Variants in TMEM114 observed in about 807,000 individuals in gnomAD.
TMEM114 encodes transmembrane protein 114, also known as claudin-26.
Under a neutral mutation model 6.2 loss-of-function variants are expected in TMEM114, and 6 were observed. That is an observed-to-expected ratio of 0.97 (90% CI 0.53 to 1.91). The LOEUF (loss-of-function observed/expected upper bound fraction) is 1.91. Among genes scored for constraint, TMEM114 ranks in the 40% most tolerant of loss-of-function variants. TMEM114 has a pLI of 0.01. For missense variants in TMEM114, 218 were observed against 158.3 expected, an observed-to-expected ratio of 1.38 and a Z score of -2.02; for synonymous variants, 104 against 73.0, an observed-to-expected ratio of 1.42 and a Z score of -2.16.
chr16:8,581,349 A>T (rs191767863), intron 2 of TMEM114, among the ~76,000 whole-genome samples: 126 of 152,302 alleles, frequency 8.3e-4, no homozygotes, highest in African/African-American at 2.7e-3. Context: ...ATGTCTAGCC[A>T]TCTCTCCATC....
chr16:8,556,653 C>T (rs554408477), intron 2 of TMEM114, among the ~76,000 whole-genome samples: 2 of 152,136 alleles, frequency 1.3e-5, no homozygotes, highest in Admixed American at 6.5e-5. Context: ...AGGTACCCGC[C>T]ATCACACATG....
intron 2 of TMEM114, among the ~76,000 whole-genome samples, chr16:8,561,171 T>A (rs921613870): frequency 6.6e-6 from 1 of 152,242 alleles, no homozygotes; most frequent in Non-Finnish European, 1.5e-5. Flanking sequence ...AGCCAAACCA[T>A]AACACTGGGT....
intron 2 of TMEM114, among the ~76,000 whole-genome samples, chr16:8,558,135 C>G (rs1421177216): frequency 6.6e-6 from 1 of 152,164 alleles, no homozygotes. Context: ...TGCTTGTAAT[C>G]CCAGCTACTA....
At chr16:8,551,655 A>T (rs910729052) in intron 2 of TMEM114, among the ~76,000 whole-genome samples, 21 of 152,260 alleles carry the variant, frequency 1.4e-4, no homozygotes, top group African/African-American at 5.1e-4. Flanking sequence ...AGGCAGGACA[A>T]AAATTCATCT....
At chr16:8,564,272 A>G (rs1375338713) in intron 2 of TMEM114, among the ~76,000 whole-genome samples, 2 of 114,960 alleles carry the variant, frequency 1.7e-5, no homozygotes, top group East Asian at 4.3e-4. Flanking sequence ...TGATGAAATA[A>G]GTGAATGAGT....
chr16:8,562,153 T>C (rs557163513), intron 2 of TMEM114, among the ~76,000 whole-genome samples: 40 of 151,056 alleles, frequency 2.6e-4, no homozygotes, highest in African/African-American at 7.6e-4. Context: ...AGTTAGTGAA[T>C]AAGTGAGTTA....
intron 2 of TMEM114, among the ~76,000 whole-genome samples, chr16:8,587,991 TA>T (rs1350528330): frequency 1.7e-4 from 26 of 150,424 alleles, no homozygotes; most frequent in African/African-American, 5.1e-4. Flanking sequence ...CTATCACTAT[TA>T]AAAAAAAACT....
chr16:8,564,687 GAGTGAATGAGT>G (rs1567203915), downstream of TMEM114, among the ~76,000 whole-genome samples: 2 of 115,406 alleles, frequency 1.7e-5, no homozygotes, highest in African/African-American at 3.1e-5. Context: ...GTGAATGAGT[GAGTGAATGAGT>G]GAGTGAGTGA....
chr16:8,554,498 T>A (rs1300987822), intron 2 of TMEM114, among the ~76,000 whole-genome samples: 2 of 152,144 alleles, frequency 1.3e-5, no homozygotes, highest in Non-Finnish European at 2.9e-5. Context: ...AGCACTTATC[T>A]CCATTTGGAA....
At chr16:8,560,584 T>A (rs1596476732) in intron 2 of TMEM114, among the ~76,000 whole-genome samples, 1 of 152,176 alleles carries the variant, frequency 6.6e-6, no homozygotes, top group Admixed American at 6.5e-5. Context: ...TAGCCCGGGA[T>A]GTCAAAGGGA....
At chr16:8,560,526 G>A (rs1439716342) in intron 2 of TMEM114, among the ~76,000 whole-genome samples, 1 of 152,172 alleles carries the variant, frequency 6.6e-6, no homozygotes, top group Non-Finnish European at 1.5e-5. Context: ...ACTTCCTGCT[G>A]GCTCCAAAAG....
At chr16:8,570,336 G>T (rs200030968) in intron 3 of TMEM114, among the ~76,000 whole-genome samples, 2 of 144,044 alleles carry the variant, frequency 1.4e-5, no homozygotes, top group Admixed American at 1.4e-4. Flanking sequence ...TTTTTTTTTA[G>T]ACAGAGTCTC....
intron 2 of TMEM114, among the ~76,000 whole-genome samples, chr16:8,575,426 T>A (rs1239427936): frequency 2.0e-5 from 3 of 152,242 alleles, no homozygotes; most frequent in African/African-American, 7.2e-5. Context: ...AAATCACACT[T>A]TTGAGAATCA....
downstream of TMEM114, among the ~76,000 whole-genome samples, chr16:8,532,732 G>A (rs1900253737): frequency 2.0e-5 from 3 of 152,058 alleles, no homozygotes; most frequent in African/African-American, 7.2e-5. Context: ...AGACCATCCT[G>A]GCTAACATGG....
At chr16:8,565,606 A>T (rs750005476), downstream of TMEM114, among the ~76,000 whole-genome samples, 22 of 151,896 alleles carry the variant, frequency 1.4e-4, no homozygotes, top group Non-Finnish European at 2.8e-4. Flanking sequence ...ATCTGACCAC[A>T]CCTCCACCTG....
chr16:8,561,723 G>C (rs1901208356), intron 2 of TMEM114, among the ~76,000 whole-genome samples: 1 of 152,192 alleles, frequency 6.6e-6, no homozygotes. Flanking sequence ...ATGAATGAGT[G>C]AGGGAGGAAG....
At chr16:8,536,224 C>CAA (rs34583203), downstream of TMEM114, among the ~76,000 whole-genome samples, 14 of 107,496 alleles carry the variant, frequency 1.3e-4, no homozygotes, top group East Asian at 2.8e-4. Flanking sequence ...AACTCTGTCT[C>CAA]AAAAAAAAAA....
At chr16:8,581,558 A>C (rs186535186) in intron 2 of TMEM114, among the ~76,000 whole-genome samples, 51 of 152,188 alleles carry the variant, frequency 3.4e-4, no homozygotes, top group Admixed American at 1.7e-3. Context: ...AGCTCAAGCA[A>C]TTCCCGTGCC....
intron 3 of TMEM114, 79 bp downstream of exon 3, chr16:8,572,008 T>G: frequency 7.0e-7 from 1 of 1,421,484 alleles, no homozygotes; most frequent in Non-Finnish European, 9.2e-7. Flanking sequence ...TCCCCCTCGT[T>G]TGCTGAGGGT....
Sources: allele counts gnomAD v4.1 joint callset (sites outside exome capture counted in the v4.1 genomes callset), GRCh38; gene constraint gnomAD v4.1.1; transcripts MANE v1.5; gene names NCBI Gene and HGNC (gene_info 2026-07-23, HGNC 2026-07-21).